Variants in ASAP3 observed in about 807,000 individuals in gnomAD.
The protein encoded by ASAP3 is arf-GAP with SH3 domain, ANK repeat and PH domain-containing protein 3.
ASAP3 carries 85 observed loss-of-function variants against 118.2 expected under a neutral mutation model. The ratio of observed to expected loss-of-function variants is 0.72; its 90% CI spans 0.60 to 0.86. The LOEUF (loss-of-function observed/expected upper bound fraction) is 0.86, where lower values mean the gene tolerates loss of function less well. Among genes scored for constraint, ASAP3 ranks in the 40% least tolerant of loss-of-function variants. The pLI is 0.00. For missense variants in ASAP3, 1,026 were observed against 1,175.0 expected, an observed-to-expected ratio of 0.87 and a Z score of 1.85; for synonymous variants, 432 against 477.4, an observed-to-expected ratio of 0.90 and a Z score of 1.24.
In ASAP3 at chr1:23,437,236, C is replaced by G. The variant is rs770615390; in HGVS notation, c.1236G>C (p.Trp412Cys). 1.9e-6 allele frequency: 3 copies of G among 1,592,642 alleles called. No individual in the cohort carries two copies. In the Admixed American group the frequency reaches 5.3e-5, roughly 28 times the overall value. Residue 412 changes from tryptophan (W) to cysteine (C), a missense_variant, in exon 14 of 25, where the codon TGG becomes TGC. By Grantham distance (215) the Trp-to-Cys change is radical. Transcript: ENST00000336689. This position sits in a 1 kb window ranked among gnomAD's most constrained non-coding sequence, Gnocchi z 6.1. ...GCTCCCCATCATGGCCGGCGGACCC[C>G]CAGGACCCCGGGCCAGCGCTGGGCT... is the stretch of plus-strand genomic sequence containing the variant. Reference protein sequence around the residue: ...LGEPSAGPGSWGSAGHDGEPH... With the variant: ...LGEPSAGPGSCGSAGHDGEPH...
In ASAP3 at chr1:23,429,893, C is replaced by T. The variant is rs1218407697; in HGVS notation, c.2675G>A (p.Ser892Asn). Residue 892 changes from serine to asparagine, a missense_variant, in exon 25 of 25, where the codon AGT becomes AAT. Coordinates refer to ENST00000336689, the MANE Select transcript of ASAP3 (RefSeq NM_017707.4). ...ITEGDGSRTG[S>N]LPASSVQLLQ... The stretch of plus-strand genomic sequence containing the variant: ...AAGTTGCACAGAACTTGCTGGGAGA[C>T]TCCCAGTCCTTGAGCCATCTCCTTC... 6.2e-7 allele frequency: 1 copy of T among 1,613,908 alleles called. No individual in the cohort carries two copies. Among genetic ancestry groups the T allele is most frequent in the East Asian group, 2.2e-5 (1 of 44,898 alleles).
chr1:23,440,500 CAAAAAAAAAAAAAA>C lies in ASAP3; in HGVS notation c.944+588_944+601del, dbSNP rs35344912. 2.9e-4 allele frequency among the ~76,000 whole-genome samples: 7 copies of C among 24,320 alleles called. No homozygotes were observed. In the East Asian group the frequency reaches 4.2e-3, roughly 15 times the overall value. The allele number at this position is 24,320 out of a possible 152,430, so 16.0% of individuals were successfully genotyped here. A position where few individuals can be genotyped will look rare whatever the true frequency, so the allele number is the denominator to read the frequency against. On this transcript the variant is annotated intron_variant, in intron 10 of 24. Transcript: ENST00000336689. The stretch of plus-strand genomic sequence containing the variant: ...TGGGTGACGGAGGGAGACTCCATCT[CAAAAAAAAAAAAAA>C]AAAAAAAAAAAAAAAAGAATGAGGG...
chr1:23,446,357 G>C (rs1641046094), intron 5 of ASAP3, among the ~76,000 whole-genome samples: 2 of 151,814 alleles, frequency 1.3e-5, no homozygotes, highest in African/African-American at 4.8e-5. Context: ...GCTTTCTGTG[G>C]TTTCAGTTAT....
rs756590732 is a variant in ASAP3 at position 23,431,876 on chromosome 1, G to T, written c.2366C>A (p.Thr789Asn). 6.2e-7 allele frequency: 1 copy of T among 1,607,174 alleles called. No homozygotes were observed. Among genetic ancestry groups the T allele is most frequent in the Non-Finnish European group, 8.5e-7 (1 of 1,177,812 alleles). Residue 789 changes from threonine to asparagine, a missense_variant, in exon 23 of 25, where the codon ACC becomes AAC. By Grantham distance (65) the Thr-to-Asn change is moderately conservative. Transcript: ENST00000336689. ...GGCTGGACTGCCCAGGCTCTCAGGG[G>T]TCTCAGGGGCCTCTGAACTCAGGCT... ...VSSLSSEAPETPESLGSPASS... is the reference protein window; with the variant it reads ...VSSLSSEAPENPESLGSPASS...
At chr1:23,433,300 G>A in intron 21 of ASAP3, 28 bp from the exon 22 acceptor site, 2 of 1,605,008 alleles carry the variant, frequency 1.2e-6, no homozygotes, top group Non-Finnish European at 1.7e-6. Flanking sequence ...TGAGGATGAG[G>A]ACAGCCTGGT....
At chr1:23,472,070 G>A (rs991844684) in intron 1 of ASAP3, among the ~76,000 whole-genome samples, 3 of 152,130 alleles carry the variant, frequency 2.0e-5, no homozygotes, top group African/African-American at 7.2e-5. Context: ...AAAGTTGTCG[G>A]GGGCCGGGGA....
chr1:23,441,419 G>A lies in ASAP3; in HGVS notation c.802C>T (p.Leu268Phe), dbSNP rs1640869564. Residue 268 changes from leucine to phenylalanine, a missense_variant, in exon 9 of 25, where the codon CTC becomes TTC. Physicochemically the swap from Leu to Phe is conservative, Grantham distance 22. Coordinates refer to ENST00000336689, the MANE Select transcript of ASAP3 (RefSeq NM_017707.4). ...LQKLTQLRDS[L>F]RGTLQLESRE... ...CTCTCAAGCTGCAGTGTCCCTCGGAGGGAGTCCCGGAGCTGGGTCAGCTTC... is the reference window on the plus strand; with the variant it reads ...CTCTCAAGCTGCAGTGTCCCTCGGAAGGAGTCCCGGAGCTGGGTCAGCTTC... 4.3e-6 allele frequency: 7 copies of A among 1,614,178 alleles called. No individual in the cohort carries two copies. The highest frequency in any genetic ancestry group is 1.3e-5 in the African/African-American group (1 of 75,070).
rs570894455 is a variant in ASAP3 at position 23,433,702 on chromosome 1, G to A, written c.1952-9C>T. 32 of 1,614,086 alleles carry A rather than the reference G, an allele frequency of 2.0e-5. No homozygotes were observed. Among genetic ancestry groups the A allele is most frequent in the East Asian group, 1.6e-4 (7 of 44,884 alleles). ...CTCGCCTGCTTCATTTACTGTGAGCGGGGAAAGTCAGGGTTCATGGTCATA... is the reference window on the plus strand; with the variant it reads ...CTCGCCTGCTTCATTTACTGTGAGCAGGGAAAGTCAGGGTTCATGGTCATA... On this transcript the variant is annotated splice_polypyrimidine_tract_variant and intron_variant, in intron 19 of 24. Coordinates refer to ENST00000336689, the MANE Select transcript of ASAP3 (RefSeq NM_017707.4).
chr1:23,443,699 CTT>C (rs780457191), intron 5 of ASAP3, among the ~76,000 whole-genome samples: 6 of 137,136 alleles, frequency 4.4e-5, no homozygotes, highest in Admixed American at 7.3e-5. Context: ...CCCAGCTAAT[CTT>C]TTTTTTTTTT....
At chr1:23,449,968 T>C (rs748864689) in intron 5 of ASAP3, among the ~76,000 whole-genome samples, 24 of 152,174 alleles carry the variant, frequency 1.6e-4, no homozygotes, top group Non-Finnish European at 2.8e-4. Flanking sequence ...CAGCAAATCA[T>C]GAAGACAAGG....
At chr1:23,430,980 C>T in intron 24 of ASAP3, 55 bp downstream of exon 24, 1 of 1,465,344 alleles carries the variant, frequency 6.8e-7, no homozygotes, top group African/African-American at 1.4e-5. Context: ...TTGACTAACT[C>T]TGCCTCCCAG....
At position 23,433,255 on chromosome 1, in the gene ASAP3, G is replaced by C. The variant is rs1427349289; in HGVS notation, c.2145C>G (p.Leu715=). Residue 715 remains leucine, a synonymous_variant, in exon 22 of 25, where the codon CTC becomes CTG. Transcript: ENST00000336689. ...DEEEKRCLLK[L]PAQAHWASGR... ...CACTGGCCCAGTGAGCCTGGGCCGGGAGCTTCAGCAAGCAGCGCTGCCAGA... is the reference window on the plus strand; with the variant it reads ...CACTGGCCCAGTGAGCCTGGGCCGGCAGCTTCAGCAAGCAGCGCTGCCAGA... 8 of 1,608,144 alleles carry C rather than the reference G, an allele frequency of 5.0e-6. No individual in the cohort carries two copies. The highest frequency in any genetic ancestry group is 5.9e-6 in the Non-Finnish European group (7 of 1,176,506).
rs1455397344 is a variant in ASAP3 at position 23,472,451 on chromosome 1, G to C, written c.129+11554C>G. Among the ~76,000 whole-genome samples, 3 of 152,230 alleles carry C rather than the reference G, an allele frequency of 2.0e-5. No homozygotes were observed. In the East Asian group the frequency reaches 5.8e-4, roughly 29 times the overall value. On this transcript the variant is annotated intron_variant, in intron 1 of 24. Coordinates refer to ENST00000336689, the MANE Select transcript of ASAP3 (RefSeq NM_017707.4). ...TGGCGTCCCACAGTGCTGGGATTACGGGTATGAGCCACCACACTGGCCTCA... is the reference window on the plus strand; with the variant it reads ...TGGCGTCCCACAGTGCTGGGATTACCGGTATGAGCCACCACACTGGCCTCA...
In ASAP3 at chr1:23,438,723, G is replaced by C; in HGVS notation, c.1102+24C>G. Reference sequence around the variant, plus strand: ...AGAAGCCCTGAGCAGCTGTGGGTGGGGGAGAGGCACAGGGACCACTCACGG... The same window carrying C: ...AGAAGCCCTGAGCAGCTGTGGGTGGCGGAGAGGCACAGGGACCACTCACGG... On this transcript the variant is annotated intron_variant, in intron 12 of 24. Coordinates refer to ENST00000336689, the MANE Select transcript of ASAP3 (RefSeq NM_017707.4). This position sits in a 1 kb window ranked among gnomAD's most constrained non-coding sequence, Gnocchi z 4.9. 1 of 1,610,638 alleles carries C rather than the reference G, an allele frequency of 6.2e-7. No homozygotes were observed. Among genetic ancestry groups the C allele is most frequent in the Non-Finnish European group, 8.5e-7 (1 of 1,176,892 alleles).
At chr1:23,472,560 C>T (rs968476568) in intron 1 of ASAP3, among the ~76,000 whole-genome samples, 6 of 152,184 alleles carry the variant, frequency 3.9e-5, no homozygotes, top group Non-Finnish European at 8.8e-5. Context: ...CAAAATCAGG[C>T]TTAGCTGTTC....
chr1:23,482,307 A>G (rs760695502), intron 1 of ASAP3, among the ~76,000 whole-genome samples: 1 of 152,252 alleles, frequency 6.6e-6, no homozygotes, highest in Non-Finnish European at 1.5e-5. Flanking sequence ...AGACTGCCTG[A>G]GCTCAGGAGT....
intron 1 of ASAP3, among the ~76,000 whole-genome samples, chr1:23,478,090 C>T (rs1224014322): frequency 6.6e-6 from 1 of 152,224 alleles, no homozygotes; most frequent in African/African-American, 2.4e-5. Context: ...CACCGCCCAA[C>T]AAAAAGTCAG....
In ASAP3 at chr1:23,437,935, T is replaced by G. The variant is rs1640735834; in HGVS notation, c.1103-463A>C. ...CTCTGCTCTAATTACACCACTGCCC[T>G]GCCCCAAGATCTCCCATGGCTCTCT... On this transcript the variant is annotated intron_variant, in intron 12 of 24. Coordinates refer to ENST00000336689, the MANE Select transcript of ASAP3 (RefSeq NM_017707.4). The surrounding 1 kb of genome is among the most constrained non-coding windows in gnomAD (Gnocchi z 6.1). Among the ~76,000 whole-genome samples the G allele has an allele frequency of 6.6e-6, 1 of 152,106 alleles. No individual in the cohort carries two copies. The highest frequency in any genetic ancestry group is 1.5e-5 in the Non-Finnish European group (1 of 68,026).
At chr1:23,469,308 AAAT>A (rs1170991593) in intron 1 of ASAP3, among the ~76,000 whole-genome samples, 3 of 152,130 alleles carry the variant, frequency 2.0e-5, no homozygotes, top group Non-Finnish European at 4.4e-5. Flanking sequence ...CCTATCTCAA[AAAT>A]AATAATAACA....
Sources: allele counts gnomAD v4.1 joint callset (sites outside exome capture counted in the v4.1 genomes callset), GRCh38; gene constraint gnomAD v4.1.1; non-coding constraint Gnocchi (gnomAD v3.1); transcripts MANE v1.5; gene names NCBI Gene and HGNC (gene_info 2026-07-23, HGNC 2026-07-21).